HEPH: variants seen among roughly 807,000 people sequenced by gnomAD.
The protein encoded by HEPH is hephaestin.
In HEPH, 69 loss-of-function variants were observed where a neutral mutation model predicts 80.8. That is an observed-to-expected ratio of 0.85 (90% confidence interval 0.70 to 1.04). The LOEUF (loss-of-function observed/expected upper bound fraction) is 1.04, where lower values mean the gene tolerates loss of function less well. HEPH is among the 50% of genes least tolerant of loss of function. The pLI is 0.00. For synonymous variants in HEPH, 431 were observed against 322.8 expected, an observed-to-expected ratio of 1.34 and a Z score of -3.60; for missense variants, 1,115 against 891.3, an observed-to-expected ratio of 1.25 and a Z score of -3.20.
chrX:66,190,061 G>A, intron 6 of HEPH, 123 bp downstream of exon 6: 1 of 703,815 alleles, frequency 1.4e-6, no homozygotes, highest in African/African-American at 2.2e-5. Context: ...TGGGATAAAG[G>A]ATAGCACACT....
chrX:66,266,176 A>G (rs749486727), intron 20 of HEPH, among the ~76,000 whole-genome samples: 59 of 110,918 alleles, frequency 5.3e-4, no homozygotes, highest in African/African-American at 1.8e-3. Context: ...ACATGTATCA[A>G]GGGCCTTCCC....
chrX:66,186,351 C>A (rs1000690419), intron 4 of HEPH, among the ~76,000 whole-genome samples: 8 of 109,110 alleles, frequency 7.3e-5, no homozygotes, highest in Admixed American at 2.9e-4. Flanking sequence ...TAGCAATCAG[C>A]GAGATTCCGT....
chrX:66,255,003 G>T (rs956748451), intron 15 of HEPH, 32 bp from the exon 16 acceptor site: 1 of 1,060,278 alleles, frequency 9.4e-7, no homozygotes, highest in South Asian at 2.1e-5. Flanking sequence ...TTCTGACCCG[G>T]TGCAACTGGA....
rs781742782 is a variant in HEPH at position 66,266,616 on chromosome X, C to T, written c.3421C>T (p.Arg1141Cys). ...WYQHRQRKLR[R>C]NRRSILDDSF... The stretch of plus-strand genomic sequence containing the variant: ...CCAACATCGACAGAGAAAGCTACGA[C>T]GCAATAGGAGGTCCATCCTGGATGA... The change falls in exon 21 of 21, where the codon CGC (arginine) becomes TGC (cysteine). Residue 1141 changes from arginine (R) to cysteine (C), a missense_variant. Arg to Cys is a radical substitution (Grantham distance 180). Around this residue, in one of 3 missense-constraint regions of HEPH, gnomAD observed 716 missense variants for 523.5 expected, o/e 1.37. Coordinates refer to ENST00000343002, the MANE Select transcript of HEPH (RefSeq NM_001367233.3). 25 of 1,207,111 alleles carry T rather than the reference C, an allele frequency of 2.1e-5. No homozygotes were observed. The highest frequency in any genetic ancestry group is 1.5e-4 in the Admixed American group (7 of 45,480).
At position 66,173,701 on chromosome X, in the gene HEPH, T is replaced by A. The variant is rs778329795; in HGVS notation, c.525T>A (p.Asp175Glu). 3 of 1,208,573 alleles carry A rather than the reference T, an allele frequency of 2.5e-6. No individual in the cohort carries two copies. The African/African-American group carries it at 5.3e-5, about 21-fold the overall frequency. ...WTIPEGHAPT[D>E]ADPACLTWIY... ...TTCCAGAAGGCCATGCACCCACCGA[T>A]GCTGACCCAGCGTGCCTCACCTGGA... The change falls in exon 4 of 21, where the codon GAT becomes GAA. Residue 175 changes from aspartate to glutamate, a missense_variant. Asp to Glu is a conservative substitution (Grantham distance 45). Transcript: ENST00000343002.
Position 66,263,689 on chromosome X carries a change from G to A in HEPH, c.3244+1G>A, listed in dbSNP as rs2091437321. ...GTCATCACCAAAGAGACTGAAAAAG[G>A]TACGTAAAATGATGCACAGACTGGG... On this transcript the variant is annotated splice_donor_variant, in intron 20 of 20. Coordinates refer to ENST00000343002, the MANE Select transcript of HEPH (RefSeq NM_001367233.3). LOFTEE classifies it high-confidence loss of function. 1.7e-6 allele frequency: 2 copies of A among 1,208,404 alleles called. No homozygotes were observed. Among genetic ancestry groups the A allele is most frequent in the Non-Finnish European group, 2.2e-6 (2 of 892,891 alleles).
chrX:66,255,301 C>T (rs1003306898), intron 16 of HEPH, among the ~76,000 whole-genome samples, 160 bp downstream of exon 16: 5 of 111,112 alleles, frequency 4.5e-5, no homozygotes, highest in Non-Finnish European at 7.6e-5. Flanking sequence ...GGAGGAGGGA[C>T]GAAGGGAATG....
At chrX:66,223,743 CT>C (rs975245758) in intron 15 of HEPH, among the ~76,000 whole-genome samples, 15 of 111,135 alleles carry the variant, frequency 1.3e-4, no homozygotes, top group African/African-American at 4.2e-4. Flanking sequence ...TTTTTTTAAC[CT>C]TTTAATGTAG....
intron 15 of HEPH, among the ~76,000 whole-genome samples, chrX:66,248,680 T>A (rs762234001): frequency 8.0e-5 from 9 of 112,348 alleles, no homozygotes; most frequent in Non-Finnish European, 1.5e-4. Flanking sequence ...TGCAGGTTTT[T>A]CTGTAGCACT....
intron 15 of HEPH, among the ~76,000 whole-genome samples, chrX:66,253,672 A>G (rs989797837): frequency 6.0e-4 from 67 of 112,198 alleles, no homozygotes; most frequent in African/African-American, 2.1e-3. Context: ...CATAATAACT[A>G]AAAAGTGGAA....
At position 66,200,575 on chromosome X, in the gene HEPH, C is replaced by A. The variant is rs776448213; in HGVS notation, c.1900C>A (p.Leu634Met). 16 of 1,206,686 alleles carry A rather than the reference C, an allele frequency of 1.3e-5. No individual in the cohort carries two copies. The highest frequency in any genetic ancestry group is 1.8e-5 in the Non-Finnish European group (16 of 893,435). Residue 634 changes from leucine to methionine, a missense_variant, in exon 12 of 21, where the codon CTG (leucine) becomes ATG (methionine). Around this residue, in one of 3 missense-constraint regions of HEPH, gnomAD observed 716 missense variants for 523.5 expected, o/e 1.37. Transcript: ENST00000343002. ...GTTTCTGTTCTCTAACCTGCCCAGG[C>A]TGGACATGTGCAAGGGTGACACAGT... ...NGFLFSNLPR[L>M]DMCKGDTVAW...
chrX:66,252,193 T>A (rs1490667380), intron 15 of HEPH, among the ~76,000 whole-genome samples: 5 of 112,092 alleles, frequency 4.5e-5, no homozygotes, highest in Non-Finnish European at 3.8e-5. Flanking sequence ...TTGGCTTACA[T>A]AACTGGTGGC....
rs373162092 is a variant in HEPH, at chrX:66,172,344, T to C, written c.168-11T>C. Reference sequence around the variant, plus strand: ...GGGGGCAAAATTATGACTCTTTTTCTTCTTTCCCAGAGTGGCTTCCAGCTT... The same window carrying C: ...GGGGGCAAAATTATGACTCTTTTTCCTCTTTCCCAGAGTGGCTTCCAGCTT... On this transcript the variant is annotated splice_polypyrimidine_tract_variant and intron_variant, in intron 2 of 20. Coordinates refer to ENST00000343002, the MANE Select transcript of HEPH (RefSeq NM_001367233.3). The C allele has an allele frequency of 1.0e-4, 119 of 1,175,887 alleles. No homozygotes were observed. In the African/African-American group the frequency reaches 1.8e-3, roughly 17 times the overall value.
chrX:66,216,446 G>A (rs1041630789), intron 15 of HEPH, among the ~76,000 whole-genome samples: 6 of 111,903 alleles, frequency 5.4e-5, no homozygotes, highest in Non-Finnish European at 7.5e-5. Context: ...CCAGTCTGGA[G>A]CCCAGTAGCT....
intron 15 of HEPH, among the ~76,000 whole-genome samples, chrX:66,218,619 T>G (rs2089499724): frequency 9.0e-6 from 1 of 111,731 alleles, no homozygotes; most frequent in African/African-American, 3.3e-5. Flanking sequence ...TTTATTCGAC[T>G]GAGAGCTTCA....
intron 15 of HEPH, among the ~76,000 whole-genome samples, chrX:66,238,776 C>G (rs1010084513): frequency 6.3e-5 from 7 of 111,815 alleles, no homozygotes; most frequent in African/African-American, 2.3e-4. Flanking sequence ...GAGCTGAGAG[C>G]CCCAAACAGA....
chrX:66,175,370 C>T (rs2086756725), intron 4 of HEPH, among the ~76,000 whole-genome samples: 1 of 111,714 alleles, frequency 9.0e-6, no homozygotes, highest in South Asian at 3.7e-4. Context: ...GGTCCAAGTG[C>T]CTATTTTTAT....
intron 15 of HEPH, among the ~76,000 whole-genome samples, chrX:66,224,076 C>G (rs1175368045): frequency 1.2e-5 from 1 of 85,944 alleles, no homozygotes; most frequent in Non-Finnish European, 2.0e-5. Flanking sequence ...TGCAGCCCCT[C>G]TTTCCCCCGC....
In HEPH at chrX:66,266,617, G is replaced by A. The variant is rs746393868; in HGVS notation, c.3422G>A (p.Arg1141His). The change falls in exon 21 of 21, where the codon CGC (arginine) becomes CAC (histidine). Residue 1141 changes from arginine (R) to histidine (H), a missense_variant. Physicochemically the swap from Arg to His is conservative, Grantham distance 29. Transcript: ENST00000343002. ...WYQHRQRKLR[R>H]NRRSILDDSF... ...CAACATCGACAGAGAAAGCTACGAC[G>A]CAATAGGAGGTCCATCCTGGATGAC... 8 of 1,209,269 alleles carry A rather than the reference G, an allele frequency of 6.6e-6. No individual in the cohort carries two copies. The East Asian group carries it at 1.8e-4, about 27-fold the overall frequency.
Sources: gnomAD v4.1 joint callset for allele counts (sites outside exome capture counted in the v4.1 genomes callset) on GRCh38, gnomAD v4.1.1 for gene constraint, gnomAD v4.1.1 regional missense constraint, MANE v1.5 for transcripts, NCBI Gene and HGNC (gene_info 2026-07-23, HGNC 2026-07-21) for gene names.